Variants in NAALADL2 observed in about 807,000 individuals in gnomAD.
The protein encoded by NAALADL2 is N-acetylated alpha-linked acidic dipeptidase like 2, also known as inactive N-acetylated-alpha-linked acidic dipeptidase-like protein 2.
Under a neutral mutation model 87.2 loss-of-function variants are expected in NAALADL2, and 76 were observed. That is an observed-to-expected ratio of 0.87 (90% CI 0.72 to 1.05). The LOEUF is 1.05. Ranked by LOEUF, NAALADL2 falls within the 50% of genes least tolerant of loss-of-function variation. The probability of loss-of-function intolerance (pLI) is 0.00; values close to 1 mark genes in which losing one functional copy is unlikely to be tolerated. For synonymous variants in NAALADL2, 354 were observed against 331.0 expected (o/e 1.07, Z -0.75); for missense variants, 1,089 against 945.8 (o/e 1.15, Z -1.99).
intron 3 of NAALADL2, among the ~76,000 whole-genome samples, chr3:175,251,198 CTT>C (rs1319293841): frequency 6.6e-6 from 1 of 152,186 alleles, no homozygotes; most frequent in African/African-American, 2.4e-5. Flanking sequence ...GCCCACCACT[CTT>C]TGTCGTCATC....
chr3:174,441,892 A>G (rs1191463672), intron 1 of NAALADL2, among the ~76,000 whole-genome samples: 2 of 152,062 alleles, frequency 1.3e-5, no homozygotes, highest in African/African-American at 4.8e-5. Flanking sequence ...TGAGGAGTGT[A>G]AAGGATTAAT....
At chr3:175,073,551 G>T (rs1030592722) in intron 1 of NAALADL2, among the ~76,000 whole-genome samples, 1 of 152,026 alleles carries the variant, frequency 6.6e-6, no homozygotes, top group Non-Finnish European at 1.5e-5. Context: ...TTACTTGTCT[G>T]AATTGAAGTG....
chr3:174,829,316 C>T (rs1722359891), intron 3 of NAALADL2, among the ~76,000 whole-genome samples: 2 of 149,360 alleles, frequency 1.3e-5, no homozygotes, highest in South Asian at 4.3e-4. Context: ...CTTCCTGTGT[C>T]CATCTGATCT....
intron 2 of NAALADL2, among the ~76,000 whole-genome samples, chr3:175,197,897 C>T (rs1031259903): frequency 6.6e-5 from 10 of 151,922 alleles, no homozygotes; most frequent in African/African-American, 2.4e-4. Flanking sequence ...GCTGGTGAAC[C>T]CTGCAACACA....
intron 5 of NAALADL2, among the ~76,000 whole-genome samples, chr3:175,440,781 T>A (rs1197433797): frequency 1.3e-5 from 2 of 152,150 alleles, no homozygotes; most frequent in African/African-American, 2.4e-5. Context: ...CTATGAGATT[T>A]TTGGATGAGT....
At chr3:175,362,029 T>G (rs1296446588) in intron 5 of NAALADL2, among the ~76,000 whole-genome samples, 1 of 148,350 alleles carries the variant, frequency 6.7e-6, no homozygotes, top group Non-Finnish European at 1.5e-5. Flanking sequence ...TAATCCATCT[T>G]GAATTAATTT....
intron 2 of NAALADL2, among the ~76,000 whole-genome samples, chr3:175,233,371 T>C (rs1156707430): frequency 6.6e-6 from 1 of 152,182 alleles, no homozygotes; most frequent in Admixed American, 6.5e-5. Context: ...AAGATTTAGT[T>C]AGCATTAATA....
intron 4 of NAALADL2, among the ~76,000 whole-genome samples, chr3:175,317,739 A>G (rs1217701594): frequency 6.6e-6 from 1 of 152,206 alleles, no homozygotes; most frequent in African/African-American, 2.4e-5. Context: ...CTTGACTTGT[A>G]ATTAAAATAT....
Position 175,594,094 on chromosome 3 carries a change from A to G in NAALADL2, c.1800+17907A>G, listed in dbSNP as rs566911174. Among the ~76,000 whole-genome samples, 5 of 152,110 alleles carry G rather than the reference A, an allele frequency of 3.3e-5. No homozygotes were observed. The East Asian group carries it at 9.7e-4, about 29-fold the overall frequency. On this transcript the variant is annotated intron_variant, in intron 10 of 13. Coordinates refer to ENST00000454872, the MANE Select transcript of NAALADL2 (RefSeq NM_207015.3). ...GTTTAGGGTACAGATCCTGTCACCC[A>G]GGTAGTGAGCATAATACCCAATAGG...
chr3:174,691,399 G>C (rs900204961), intron 2 of NAALADL2, among the ~76,000 whole-genome samples: 2 of 150,892 alleles, frequency 1.3e-5, no homozygotes, highest in African/African-American at 4.9e-5. Flanking sequence ...GTGACAGAGT[G>C]AGACTCTGTC....
intron 4 of NAALADL2, among the ~76,000 whole-genome samples, chr3:175,292,356 A>G (rs997880143): frequency 6.6e-6 from 1 of 152,252 alleles, no homozygotes; most frequent in African/African-American, 2.4e-5. Flanking sequence ...AATATGAGCC[A>G]GTATTTATCT....
intron 2 of NAALADL2, among the ~76,000 whole-genome samples, chr3:174,589,715 A>G (rs1357482762): frequency 6.6e-6 from 1 of 152,202 alleles, no homozygotes; most frequent in African/African-American, 2.4e-5. Context: ...GCTGTCAATC[A>G]AAACACTTTT....
At chr3:174,935,060 A>G (rs765852401) in intron 1 of NAALADL2, among the ~76,000 whole-genome samples, 6 of 152,162 alleles carry the variant, frequency 3.9e-5, no homozygotes, top group Non-Finnish European at 7.4e-5. Flanking sequence ...GTATTAGCTT[A>G]TGCAACTTCA....
At chr3:174,899,657 A>G (rs977094948) in intron 1 of NAALADL2, among the ~76,000 whole-genome samples, 1 of 152,164 alleles carries the variant, frequency 6.6e-6, no homozygotes, top group East Asian at 1.9e-4. Flanking sequence ...CCGTGAGCCA[A>G]TTCCACCTCT....
At chr3:174,988,264 T>C (rs1339066908) in intron 1 of NAALADL2, among the ~76,000 whole-genome samples, 1 of 152,106 alleles carries the variant, frequency 6.6e-6, no homozygotes, top group Non-Finnish European at 1.5e-5. Context: ...GTAACTAACA[T>C]CCAGTTAAGC....
At chr3:175,583,761 A>T (rs1720136329) in intron 10 of NAALADL2, among the ~76,000 whole-genome samples, 1 of 152,250 alleles carries the variant, frequency 6.6e-6, no homozygotes, top group Admixed American at 6.5e-5. Flanking sequence ...ATTAAAATAC[A>T]AAGTTTTACT....
At chr3:175,650,485 G>A (rs1443318413) in intron 11 of NAALADL2, among the ~76,000 whole-genome samples, 2 of 152,128 alleles carry the variant, frequency 1.3e-5, no homozygotes, top group African/African-American at 4.8e-5. Flanking sequence ...GATGAATTTT[G>A]TGGTGTATAA....
chr3:174,795,680 C>T (rs1718000377), intron 3 of NAALADL2, among the ~76,000 whole-genome samples: 1 of 152,158 alleles, frequency 6.6e-6, no homozygotes, highest in African/African-American at 2.4e-5. Context: ...TCCAATCTCT[C>T]CACATCTTCA....
At chr3:174,645,942 C>A (rs989270299) in intron 2 of NAALADL2, among the ~76,000 whole-genome samples, 2 of 152,112 alleles carry the variant, frequency 1.3e-5, no homozygotes, top group Admixed American at 1.3e-4. Context: ...TTTTGCTAAT[C>A]ACAAGGGTCT....
Sources: allele counts gnomAD v4.1 joint callset (sites outside exome capture counted in the v4.1 genomes callset), GRCh38; gene constraint gnomAD v4.1.1; transcripts MANE v1.5; gene names NCBI Gene and HGNC (gene_info 2026-07-23, HGNC 2026-07-21).